PRTFDC1: variants seen among roughly 807,000 people sequenced by gnomAD.
PRTFDC1 encodes the protein phosphoribosyl transferase domain containing 1.
PRTFDC1 carries 38 observed loss-of-function variants against 34.6 expected under a neutral mutation model. That is an observed-to-expected ratio of 1.10 (90% confidence interval 0.85 to 1.44). The LOEUF (loss-of-function observed/expected upper bound fraction) is 1.44. PRTFDC1 is among the 40% of genes most tolerant of loss of function. The pLI is 0.00. For missense variants in PRTFDC1, 270 were observed against 283.0 expected (o/e 0.95, Z 0.33); for synonymous variants, 93 against 98.1 (o/e 0.95, Z 0.31).
At chr10:24,912,289 AAAAAAAG>A (rs1360735933) in intron 3 of PRTFDC1, among the ~76,000 whole-genome samples, 6 of 148,212 alleles carry the variant, frequency 4.0e-5, no homozygotes, top group African/African-American at 1.5e-4. Flanking sequence ...AAAAAAAAAA[AAAAAAAG>A]AAAGAAATTG....
At chr10:24,928,979 G>T (rs1339365971) in intron 3 of PRTFDC1, among the ~76,000 whole-genome samples, 8 of 148,630 alleles carry the variant, frequency 5.4e-5, no homozygotes, top group Admixed American at 6.7e-5. Context: ...GGCGGAGCTT[G>T]CAGTGAGTCG....
chr10:24,890,684 C>T (rs1227003213), intron 3 of PRTFDC1, among the ~76,000 whole-genome samples: 1 of 152,108 alleles, frequency 6.6e-6, no homozygotes, highest in Non-Finnish European at 1.5e-5. Context: ...CTCCTTTGCC[C>T]ATAAATTGAT....
chr10:24,882,197 T>A (rs1848089181), intron 3 of PRTFDC1, among the ~76,000 whole-genome samples: 1 of 85,450 alleles, frequency 1.2e-5, no homozygotes, highest in African/African-American at 5.0e-5. Flanking sequence ...ACAGAGCGGA[T>A]CTGCCTCAAA....
intron 4 of PRTFDC1, among the ~76,000 whole-genome samples, chr10:24,863,721 T>C (rs553988473): frequency 1.3e-5 from 2 of 152,048 alleles, no homozygotes; most frequent in African/African-American, 2.4e-5. Context: ...AATATTAACA[T>C]GAGTAGGAGT....
At chr10:24,869,303 T>A (rs1565260501) in intron 4 of PRTFDC1, among the ~76,000 whole-genome samples, 1 of 151,846 alleles carries the variant, frequency 6.6e-6, no homozygotes, top group Non-Finnish European at 1.5e-5. Flanking sequence ...CAGCCTACTA[T>A]CCTAAGGCAG....
chr10:24,876,123 A>G (rs979084363), intron 3 of PRTFDC1, among the ~76,000 whole-genome samples: 12 of 152,130 alleles, frequency 7.9e-5, no homozygotes, highest in Non-Finnish European at 1.6e-4. Flanking sequence ...TCATGCCTGC[A>G]GAGGCAGGCA....
chr10:24,920,289 G>A (rs1030059095), intron 3 of PRTFDC1, among the ~76,000 whole-genome samples: 1 of 150,356 alleles, frequency 6.7e-6, no homozygotes, highest in Non-Finnish European at 1.5e-5. Flanking sequence ...ATATATATAT[G>A]AGTGTGTGTG....
intron 3 of PRTFDC1, among the ~76,000 whole-genome samples, chr10:24,923,836 G>A (rs1321463781): frequency 2.6e-5 from 4 of 152,074 alleles, no homozygotes; most frequent in African/African-American, 7.2e-5. Flanking sequence ...TCAGAAGGTC[G>A]GTAATAACAA....
rs369366122 is a variant in PRTFDC1, at chr10:24,849,812, A to C, written c.*32T>G. The stretch of plus-strand genomic sequence containing the variant: ...CAAGTACAGGCGTAAATATGATGCT[A>C]TCTGGGACTTTAGTGGTGAGAATTC... On this transcript the variant is annotated 3_prime_UTR_variant, in exon 9 of 9. Coordinates refer to ENST00000320152, the MANE Select transcript of PRTFDC1 (RefSeq NM_020200.7). 1.2e-5 allele frequency: 19 copies of C among 1,608,468 alleles called. No homozygotes were observed. Among genetic ancestry groups the C allele is most frequent in the Middle Eastern group, 3.3e-4 (2 of 6,052 alleles).
At chr10:24,886,585 G>A (rs1035954831) in intron 3 of PRTFDC1, among the ~76,000 whole-genome samples, 1 of 152,160 alleles carries the variant, frequency 6.6e-6, no homozygotes, top group Non-Finnish European at 1.5e-5. Flanking sequence ...GTATGTGTGG[G>A]GTGGGGCCTA....
intron 3 of PRTFDC1, among the ~76,000 whole-genome samples, chr10:24,875,589 C>A (rs1310509652): frequency 6.6e-6 from 1 of 152,030 alleles, no homozygotes; most frequent in Non-Finnish European, 1.5e-5. Context: ...TAGATTTGCC[C>A]TTAATTCATC....
At position 24,904,530 on chromosome 10, in the gene PRTFDC1, C is replaced by G. The variant is rs138489033; in HGVS notation, c.340-32467G>C. Among the ~76,000 whole-genome samples the G allele has an allele frequency of 1.7e-4, 26 of 152,284 alleles. 1 individual carries two copies. In the East Asian group the frequency reaches 4.8e-3, roughly 28 times the overall value. On this transcript the variant is annotated intron_variant, in intron 3 of 8. Transcript: ENST00000320152. ...CAGCATGTCAGGGAGGCAGGCAAGTCTGCTACATGGAAGCCTGGGGACACT... is the reference window on the plus strand; with the variant it reads ...CAGCATGTCAGGGAGGCAGGCAAGTGTGCTACATGGAAGCCTGGGGACACT...
rs764030801 is a variant in PRTFDC1, at chr10:24,849,812, AT to A, written c.*31del. ...CAAGTACAGGCGTAAATATGATGCTATCTGGGACTTTAGTGGTGAGAATTCA... is the reference window on the plus strand; with the variant it reads ...CAAGTACAGGCGTAAATATGATGCTACTGGGACTTTAGTGGTGAGAATTCA... On this transcript the variant is annotated 3_prime_UTR_variant, in exon 9 of 9. Coordinates refer to ENST00000320152, the MANE Select transcript of PRTFDC1 (RefSeq NM_020200.7). 6.2e-7 allele frequency: 1 copy of A among 1,608,468 alleles called. No individual in the cohort carries two copies. Among genetic ancestry groups the A allele is most frequent in the East Asian group, 2.2e-5 (1 of 44,856 alleles).
chr10:24,900,145 G>C (rs1426317260), intron 3 of PRTFDC1, among the ~76,000 whole-genome samples: 1 of 152,178 alleles, frequency 6.6e-6, no homozygotes, highest in Non-Finnish European at 1.5e-5. Flanking sequence ...CTTTTGAAAA[G>C]TGGCCTACTT....
intron 3 of PRTFDC1, among the ~76,000 whole-genome samples, chr10:24,905,930 CT>C (rs1848527537): frequency 6.6e-6 from 1 of 152,066 alleles, no homozygotes; most frequent in Non-Finnish European, 1.5e-5. Context: ...GGTAACCATC[CT>C]TCTACTCTCT....
At chr10:24,895,050 G>A (rs114493046) in intron 3 of PRTFDC1, among the ~76,000 whole-genome samples, 428 of 152,200 alleles carry the variant, frequency 2.8e-3, no homozygotes, top group African/African-American at 9.4e-3. Context: ...GTTTGCCTAC[G>A]TCGTACCAGT....
At chr10:24,893,340 G>GT (rs1359485195) in intron 3 of PRTFDC1, among the ~76,000 whole-genome samples, 2 of 152,198 alleles carry the variant, frequency 1.3e-5, no homozygotes, top group Non-Finnish European at 2.9e-5. Context: ...CTGGGCAGGA[G>GT]TGCAGTGACG....
At chr10:24,923,207 C>A (rs1055264239) in intron 3 of PRTFDC1, among the ~76,000 whole-genome samples, 1 of 152,242 alleles carries the variant, frequency 6.6e-6, no homozygotes, top group Non-Finnish European at 1.5e-5. Flanking sequence ...TAGACTCCAC[C>A]TCTGTGGGCA....
At chr10:24,911,058 A>G (rs1390387453) in intron 3 of PRTFDC1, among the ~76,000 whole-genome samples, 1 of 152,172 alleles carries the variant, frequency 6.6e-6, no homozygotes, top group African/African-American at 2.4e-5. Context: ...AAAAACAGTG[A>G]TAGTTAGAAT....
Sources: gnomAD v4.1 joint callset for allele counts (sites outside exome capture counted in the v4.1 genomes callset) on GRCh38, gnomAD v4.1.1 for gene constraint, MANE v1.5 for transcripts, NCBI Gene and HGNC (gene_info 2026-07-23, HGNC 2026-07-21) for gene names.